Variants in NFIL3 observed in about 807,000 individuals in gnomAD.
NFIL3 encodes the protein nuclear factor, interleukin 3 regulated.
Under a neutral mutation model 10.0 loss-of-function variants are expected in NFIL3, and 5 were observed. The ratio of observed to expected loss-of-function variants is 0.50; its 90% CI spans 0.26 to 1.06. NFIL3 has a LOEUF of 1.06. Among genes scored for constraint, NFIL3 ranks in the 50% least tolerant of loss-of-function variants. The pLI is 0.13. For synonymous variants in NFIL3, 202 were observed against 206.5 expected, an observed-to-expected ratio of 0.98 and a Z score of 0.19; for missense variants, 436 against 547.6, an observed-to-expected ratio of 0.80 and a Z score of 2.03.
the NFIL3 span, among the ~76,000 whole-genome samples, chr9:91,465,275 T>G: frequency 6.6e-6 from 1 of 152,120 alleles, no homozygotes; most frequent in Non-Finnish European, 1.5e-5. Context: ...TTCAGTTCTG[T>G]TTTTTAAAAA....
the NFIL3 span, among the ~76,000 whole-genome samples, chr9:91,450,171 T>C: frequency 6.6e-6 from 1 of 152,148 alleles, no homozygotes; most frequent in Admixed American, 6.5e-5. Flanking sequence ...TTAATTCACT[T>C]TCTTTATTGT....
At chr9:91,422,929 A>T (rs1381650147) in intron 1 of NFIL3, among the ~76,000 whole-genome samples, 1 of 152,204 alleles carries the variant, frequency 6.6e-6, no homozygotes, top group African/African-American at 2.4e-5. Context: ...TTACCAAATC[A>T]TTGCACACAT....
At chr9:91,432,755 T>G in the NFIL3 span, among the ~76,000 whole-genome samples, 3 of 152,174 alleles carry the variant, frequency 2.0e-5, no homozygotes, top group Admixed American at 2.0e-4. Flanking sequence ...TGAGAAGGTC[T>G]TAGGGAGGTC....
At chr9:91,418,922 TA>T (rs1324222719) in intron 1 of NFIL3, among the ~76,000 whole-genome samples, 1 of 151,956 alleles carries the variant, frequency 6.6e-6, no homozygotes, top group Non-Finnish European at 1.5e-5. Context: ...GGGGTAGTAG[TA>T]ATAAAAATTC....
At chr9:91,420,710 G>C (rs1376475311) in intron 1 of NFIL3, among the ~76,000 whole-genome samples, 1 of 152,194 alleles carries the variant, frequency 6.6e-6, no homozygotes, top group Non-Finnish European at 1.5e-5. Flanking sequence ...AGATTGCGTT[G>C]ATATGCTTCA....
chr9:91,436,726 A>G, the NFIL3 span, among the ~76,000 whole-genome samples: 1 of 152,184 alleles, frequency 6.6e-6, no homozygotes, highest in African/African-American at 2.4e-5. Flanking sequence ...AAATTAATAG[A>G]AGATCTTCAA....
upstream of NFIL3, chr9:91,423,957 G>GGGCGGGCCGGGGCGGGCACTC (rs1414113706): frequency 6.9e-6 from 1 of 145,120 alleles, no homozygotes; most frequent in African/African-American, 2.5e-5. Context: ...CGGCCGGCAG[G>GGGCGGGCCGGGGCGGGCACTC]GGCGGGCCGG....
the NFIL3 span, among the ~76,000 whole-genome samples, chr9:91,454,233 C>CAAA: frequency 3.3e-5 from 2 of 60,058 alleles, no homozygotes; most frequent in Admixed American, 1.8e-4. Flanking sequence ...GACTCTGTCT[C>CAAA]AAAAAAAAAA....
At chr9:91,445,677 G>A in the NFIL3 span, among the ~76,000 whole-genome samples, 1 of 152,114 alleles carries the variant, frequency 6.6e-6, no homozygotes, top group Non-Finnish European at 1.5e-5. Context: ...TGCTCTGTAG[G>A]GCTGAAGCTT....
the NFIL3 span, among the ~76,000 whole-genome samples, chr9:91,438,435 A>T: frequency 1.3e-5 from 2 of 151,908 alleles, no homozygotes; most frequent in East Asian, 3.9e-4. Flanking sequence ...AGGGTATACA[A>T]TTTTTTTTCC....
chr9:91,478,079 A>T, the NFIL3 span, among the ~76,000 whole-genome samples: 1 of 152,150 alleles, frequency 6.6e-6, no homozygotes, highest in Non-Finnish European at 1.5e-5. Flanking sequence ...GCTGCCCTTA[A>T]CATTTTTTCC....
chr9:91,433,661 G>A, the NFIL3 span, among the ~76,000 whole-genome samples: 1 of 151,964 alleles, frequency 6.6e-6, no homozygotes, highest in Non-Finnish European at 1.5e-5. Flanking sequence ...CCTACTCCTG[G>A]GCTTCTTGAA....
chr9:91,434,759 C>T, the NFIL3 span, among the ~76,000 whole-genome samples: 1,960 of 152,016 alleles, frequency 0.013, 83 homozygotes, highest in Admixed American at 0.088. Flanking sequence ...GAATAATTTT[C>T]GAAAAAAATC....
At chr9:91,481,237 T>TAAGCAACTCATGGAACAATTATCAG in the NFIL3 span, among the ~76,000 whole-genome samples, 1 of 152,220 alleles carries the variant, frequency 6.6e-6, no homozygotes, top group African/African-American at 2.4e-5. Context: ...TTTGAGATAA[T>TAAGCAACTCATGGAACAATTATCAG]TTTTAAAAAG....
At chr9:91,468,065 C>T in the NFIL3 span, among the ~76,000 whole-genome samples, 1 of 152,164 alleles carries the variant, frequency 6.6e-6, no homozygotes, top group Non-Finnish European at 1.5e-5. Flanking sequence ...AATGGGATGG[C>T]TGGGTCAAAT....
intron 1 of NFIL3, among the ~76,000 whole-genome samples, chr9:91,412,477 C>T (rs7045374): frequency 0.039 from 5,907 of 152,088 alleles, 382 homozygotes; most frequent in African/African-American, 0.13. Flanking sequence ...TAATATTTTT[C>T]GTTAAATAGA....
chr9:91,429,942 T>C, the NFIL3 span, among the ~76,000 whole-genome samples: 1 of 152,126 alleles, frequency 6.6e-6, no homozygotes, highest in Non-Finnish European at 1.5e-5. Context: ...TCTCGTCTGC[T>C]GTGTGCCTCA....
rs780476848 is a variant in NFIL3, at chr9:91,409,550, C to T, written c.1185G>A (p.Ser395=). ...VTNIQDWSLK[S]EHWHQKELSG... is the part of the protein sequence containing the mutation. ...TCAGTTCTTTTTGATGCCAGTGCTCCGATTTGAGAGACCAATCTTGAATGT... is the reference window on the plus strand; with the variant it reads ...TCAGTTCTTTTTGATGCCAGTGCTCTGATTTGAGAGACCAATCTTGAATGT... Residue 395 remains serine, a synonymous_variant, in exon 2 of 2, where the codon TCG becomes TCA. Transcript: ENST00000297689. The T allele has an allele frequency of 1.3e-5, 21 of 1,613,704 alleles. No individual in the cohort carries two copies. In the African/African-American group the frequency reaches 1.9e-4, roughly 14 times the overall value.
intron 1 of NFIL3, among the ~76,000 whole-genome samples, chr9:91,422,957 T>G (rs1833797080): frequency 6.6e-6 from 1 of 152,146 alleles, no homozygotes; most frequent in Non-Finnish European, 1.5e-5. Context: ...TATTCCCACA[T>G]CAGCCCGCAA....
Sources: allele counts gnomAD v4.1 joint callset (sites outside exome capture counted in the v4.1 genomes callset), GRCh38; gene constraint gnomAD v4.1.1; transcripts MANE v1.5; gene names NCBI Gene and HGNC (gene_info 2026-07-23, HGNC 2026-07-21).